The following IGDCC4 variants were observed in gnomAD, a reference collection of about 807,000 sequenced individuals.
IGDCC4 encodes the protein immunoglobulin superfamily DCC subclass member 4, also known as likely ortholog of mouse neighbor of Punc E11.
Under a neutral mutation model 116.6 loss-of-function variants are expected in IGDCC4, and 72 were observed. The ratio of observed to expected loss-of-function variants is 0.62; its 90% CI spans 0.51 to 0.75. IGDCC4 has a LOEUF of 0.75. Among genes scored for constraint, IGDCC4 ranks in the 30% least tolerant of loss-of-function variants. The pLI is 0.00. For synonymous variants in IGDCC4, 709 were observed against 719.9 expected, an observed-to-expected ratio of 0.98 and a Z score of 0.24; for missense variants, 1,501 against 1,662.4, an observed-to-expected ratio of 0.90 and a Z score of 1.69.
intron 13 of IGDCC4, 31 bp from the exon 14 acceptor site, chr15:65,389,442 T>C (rs1421992142): frequency 6.2e-6 from 10 of 1,614,058 alleles, no homozygotes; most frequent in Non-Finnish European, 8.5e-6. Context: ...ACTAGTGCTC[T>C]CAGGCACACT....
Position 65,393,605 on chromosome 15 carries a change from T to G in IGDCC4, c.1715-74A>C. 44 of 1,450,614 alleles carry G rather than the reference T, an allele frequency of 3.0e-5. No individual in the cohort carries two copies. Among genetic ancestry groups the G allele is most frequent in the Non-Finnish European group, 3.5e-5 (38 of 1,073,184 alleles). 89.9% of individuals were successfully genotyped at this position (1,450,614 alleles called of 1,614,324 possible). On this transcript the variant is annotated intron_variant, in intron 9 of 19. Coordinates refer to ENST00000352385, the MANE Select transcript of IGDCC4 (RefSeq NM_020962.3). This position sits in a 1 kb window ranked among gnomAD's most constrained non-coding sequence, Gnocchi z 4.6. ...GATCCTAAACCCCCCTACATGGCTC[T>G]TCCGCCTCACATCCCGGTTCCTCCG...
chr15:65,385,963 A>G lies in IGDCC4; in HGVS notation c.3048T>C (p.His1016=). ...GGGGGTGCACAAGGGACTCCAATTC[A>G]TGGGCAGCTGGGGGGCTGGGGGGGC... ...RLGPPSPPAA[H]ELESLVHPHP... The change falls in exon 18 of 20, where the codon CAT becomes CAC. Residue 1016 remains histidine, a synonymous_variant. Coordinates refer to ENST00000352385, the MANE Select transcript of IGDCC4 (RefSeq NM_020962.3). 6.8e-7 allele frequency: 1 copy of G among 1,471,854 alleles called. No individual in the cohort carries two copies. Among genetic ancestry groups the G allele is most frequent in the Non-Finnish European group, 9.3e-7 (1 of 1,076,676 alleles). 91.2% of individuals were successfully genotyped at this position (1,471,854 alleles called of 1,614,324 possible).
At chr15:65,389,177 C>A in intron 14 of IGDCC4, 107 bp downstream of exon 14, 1 of 1,490,820 alleles carries the variant, frequency 6.7e-7, no homozygotes. Flanking sequence ...CTCTTCTGCC[C>A]CCAGCTCTGC....
chr15:65,397,327 C>T (rs1296519932), intron 5 of IGDCC4, among the ~76,000 whole-genome samples: 5 of 152,168 alleles, frequency 3.3e-5, no homozygotes, highest in Non-Finnish European at 7.4e-5. Context: ...TCCCTGGGGT[C>T]CCAGCCCAGT....
Position 65,386,539 on chromosome 15 carries a change from T to C in IGDCC4, c.2951+12A>G. 6.3e-7 allele frequency: 1 copy of C among 1,586,364 alleles called. No individual in the cohort carries two copies. The highest frequency in any genetic ancestry group is 8.6e-7 in the Non-Finnish European group (1 of 1,169,586). On this transcript the variant is annotated intron_variant, in intron 17 of 19. Coordinates refer to ENST00000352385, the MANE Select transcript of IGDCC4 (RefSeq NM_020962.3). Reference sequence around the variant, plus strand: ...CTCCCTTCCCTGAAGTCAGACTGGCTCCCCTGCTCACCTGTGGGGGCTGCG... The same window carrying C: ...CTCCCTTCCCTGAAGTCAGACTGGCCCCCCTGCTCACCTGTGGGGGCTGCG...
At chr15:65,421,233 T>A (rs2063187138) in intron 1 of IGDCC4, among the ~76,000 whole-genome samples, 1 of 152,178 alleles carries the variant, frequency 6.6e-6, no homozygotes, top group Admixed American at 6.5e-5. Flanking sequence ...AGGTATTGAA[T>A]AATGCGCCGG....
At chr15:65,392,034 C>T in intron 11 of IGDCC4, 53 bp from the exon 12 acceptor site, 3 of 1,555,412 alleles carry the variant, frequency 1.9e-6, no homozygotes, top group Non-Finnish European at 2.6e-6. Flanking sequence ...GGTCACTCTC[C>T]CGTCCACAGA....
chr15:65,421,028 CAGT>C (rs1197301166), intron 1 of IGDCC4, among the ~76,000 whole-genome samples: 3 of 152,174 alleles, frequency 2.0e-5, no homozygotes, highest in Non-Finnish European at 4.4e-5. Flanking sequence ...TGAATGACCT[CAGT>C]ACAGATCAGG....
In IGDCC4 at chr15:65,389,412, C is replaced by A; in HGVS notation, c.2409-1G>T. 1.9e-6 allele frequency: 3 copies of A among 1,614,210 alleles called. No individual in the cohort carries two copies. The highest frequency in any genetic ancestry group is 2.5e-6 in the Non-Finnish European group (3 of 1,180,034). Reference sequence around the variant, plus strand: ...GCCAATGAGGATGTCTTCTCCAGAACTGCTAAGGCAAGAAACGTGACTAGT... The same window carrying A: ...GCCAATGAGGATGTCTTCTCCAGAAATGCTAAGGCAAGAAACGTGACTAGT... On this transcript the variant is annotated splice_acceptor_variant, in intron 13 of 19. Coordinates refer to ENST00000352385, the MANE Select transcript of IGDCC4 (RefSeq NM_020962.3). LOFTEE classifies it high-confidence loss of function.
chr15:65,399,383 C>T (rs972538258), intron 5 of IGDCC4, among the ~76,000 whole-genome samples: 1 of 146,468 alleles, frequency 6.8e-6, no homozygotes, highest in Non-Finnish European at 1.5e-5. Context: ...TCACCTGAGC[C>T]GGCAAAAGTT....
intron 16 of IGDCC4, among the ~76,000 whole-genome samples, 197 bp from the exon 17 acceptor site, chr15:65,386,853 CCTAAAACACACCCAGAAGTTATGGTCT>C (rs1451598625): frequency 6.6e-6 from 1 of 152,140 alleles, no homozygotes; most frequent in Non-Finnish European, 1.5e-5. Context: ...GACTGTCCTC[CCTAAAACACACCCAGAAGTTATGGTCT>C]CTCTGCCTCA....
intron 2 of IGDCC4, chr15:65,410,785 G>A (rs2063083552): frequency 1.8e-6 from 1 of 555,160 alleles, no homozygotes; most frequent in African/African-American, 1.9e-5. Context: ...AGGACTCAAA[G>A]GGAAAGAAAA....
In IGDCC4 at chr15:65,410,323, G is replaced by A. The variant is rs1410371540; in HGVS notation, c.422-4C>T. 3 of 1,613,802 alleles carry A rather than the reference G, an allele frequency of 1.9e-6. No homozygotes were observed. Among genetic ancestry groups the A allele is most frequent in the African/African-American group, 1.3e-5 (1 of 74,934 alleles). ...TGCAGAGAGAAGTCTGCGAGTGCTG[G>A]GGACAGTGAGACACAGGCAGGGACG... On this transcript the variant is annotated splice_region_variant and splice_polypyrimidine_tract_variant and intron_variant, in intron 2 of 19. Coordinates refer to ENST00000352385, the MANE Select transcript of IGDCC4 (RefSeq NM_020962.3).
At chr15:65,412,161 G>C (rs1384967898) in intron 1 of IGDCC4, among the ~76,000 whole-genome samples, 2 of 152,080 alleles carry the variant, frequency 1.3e-5, no homozygotes, top group African/African-American at 2.4e-5. Context: ...CCAGGCTACA[G>C]TGAGCCACGA....
In IGDCC4 at chr15:65,392,156, C is replaced by A. The variant is rs145808860; in HGVS notation, c.2100G>T (p.Lys700Asn). 18 of 1,611,920 alleles carry A rather than the reference C, an allele frequency of 1.1e-5. No individual in the cohort carries two copies. In the African/African-American group the frequency reaches 2.4e-4, roughly 22 times the overall value. Reference sequence around the variant, plus strand: ...CACCTAGCTGGGTCAGCTCATACTGCTTCACTTTCTTCTTGAGCCGGACAG... The same window carrying A: ...CACCTAGCTGGGTCAGCTCATACTGATTCACTTTCTTCTTGAGCCGGACAG... ...VGPVRLKKKV[K>N]QYELTQLVPG... is the part of the protein sequence containing the mutation. Residue 700 changes from lysine to asparagine, a missense_variant, in exon 11 of 20, where the codon AAG becomes AAT. Around this residue, in one of 3 missense-constraint regions of IGDCC4, gnomAD observed 898 missense variants for 978.9 expected, o/e 0.92. Transcript: ENST00000352385.
intron 3 of IGDCC4, among the ~76,000 whole-genome samples, chr15:65,405,400 G>A (rs890525918): frequency 6.6e-6 from 1 of 151,426 alleles, no homozygotes; most frequent in Admixed American, 6.6e-5. Flanking sequence ...TGTACACTTT[G>A]GTTTGTAACT....
intron 3 of IGDCC4, among the ~76,000 whole-genome samples, chr15:65,403,945 G>A (rs937340385): frequency 6.6e-6 from 1 of 152,096 alleles, no homozygotes; most frequent in Non-Finnish European, 1.5e-5. Flanking sequence ...CCTCCAACTG[G>A]GATCCCTACA....
rs2062976790 is a variant in IGDCC4 at position 65,400,788 on chromosome 15, C to T, written c.841+18G>A. 1.9e-6 allele frequency: 3 copies of T among 1,575,900 alleles called. No individual in the cohort carries two copies. The highest frequency in any genetic ancestry group is 1.3e-5 in the African/African-American group (1 of 74,160). On this transcript the variant is annotated intron_variant, in intron 5 of 19. Coordinates refer to ENST00000352385, the MANE Select transcript of IGDCC4 (RefSeq NM_020962.3). ...CCCTCCCTTCCCATGCCCTCCTTCT[C>T]CCACCCCCTCCACTCACCTTGTCGG... is the stretch of plus-strand genomic sequence containing the variant.
In IGDCC4 at chr15:65,382,406, T is replaced by TA. The variant is rs754941677; in HGVS notation, c.*1602dup. On this transcript the variant is annotated 3_prime_UTR_variant, in exon 20 of 20. Coordinates refer to ENST00000352385, the MANE Select transcript of IGDCC4 (RefSeq NM_020962.3). ...CTGTGCTGAGAGACATTCCACCATT[T>TA]AAAAAAAAAAAAAAAAAAAAGGAAA... The TA allele has an allele frequency of 0.051, 6,384 of 124,836 alleles. 344 individuals are homozygous for TA. Among genetic ancestry groups the TA allele is most frequent in the African/African-American group, 0.15 (4,831 of 33,146 alleles). The allele number at this position is 124,836 out of a possible 1,614,324, so 7.7% of individuals were successfully genotyped here. A position where few individuals can be genotyped will look rare whatever the true frequency, so the allele number is the denominator to read the frequency against.
Sources: gnomAD v4.1 joint callset for allele counts (sites outside exome capture counted in the v4.1 genomes callset) on GRCh38, gnomAD v4.1.1 for gene constraint, gnomAD v4.1.1 regional missense constraint, Gnocchi (gnomAD v3.1) non-coding constraint, MANE v1.5 for transcripts, NCBI Gene and HGNC (gene_info 2026-07-23, HGNC 2026-07-21) for gene names.